FRMD6: variants seen among roughly 807,000 people sequenced by gnomAD.
FRMD6 encodes FERM domain containing 6, also known as FERM domain-containing protein 6.
FRMD6 carries 37 observed loss-of-function variants against 73.2 expected under a neutral mutation model. The ratio of observed to expected loss-of-function variants is 0.51; its 90% CI spans 0.39 to 0.66. The LOEUF (loss-of-function observed/expected upper bound fraction) is 0.66. FRMD6 is among the 30% of genes least tolerant of loss of function. The pLI is 0.00. For synonymous variants in FRMD6, 273 were observed against 282.2 expected (o/e 0.97, Z 0.33); for missense variants, 714 against 780.5 (o/e 0.91, Z 1.02).
At chr14:51,723,516 C>A (rs990880027) in intron 12 of FRMD6, among the ~76,000 whole-genome samples, 3 of 152,000 alleles carry the variant, frequency 2.0e-5, no homozygotes, top group Non-Finnish European at 4.4e-5. Context: ...TGTGGTGGCT[C>A]ACACGTATAA....
chr14:51,651,635 G>T (rs1255273067), upstream of FRMD6: 1 of 152,396 alleles, frequency 6.6e-6, no homozygotes, highest in African/African-American at 2.4e-5. Context: ...GTCCCTAGAG[G>T]GGTGGCGTAC....
chr14:51,397,405 A>G, the FRMD6 span, among the ~76,000 whole-genome samples: 1 of 152,094 alleles, frequency 6.6e-6, no homozygotes, highest in Non-Finnish European at 1.5e-5. Context: ...TCCCTTTGAC[A>G]CCACACTATG....
At chr14:51,473,003 G>C in the FRMD6 span, among the ~76,000 whole-genome samples, 1 of 152,164 alleles carries the variant, frequency 6.6e-6, no homozygotes, top group East Asian at 1.9e-4. Context: ...TGAGCAGTTT[G>C]GGAAATAATT....
At chr14:51,534,228 C>T (rs1414932887) in intron 1 of FRMD6, among the ~76,000 whole-genome samples, 1 of 152,206 alleles carries the variant, frequency 6.6e-6, no homozygotes, top group Non-Finnish European at 1.5e-5. Context: ...TTTCTCGAAC[C>T]ACATGCTTAA....
chr14:51,646,389 A>T (rs1892075328), intron 2 of FRMD6, among the ~76,000 whole-genome samples: 1 of 150,488 alleles, frequency 6.6e-6, no homozygotes, highest in African/African-American at 2.4e-5. Context: ...TAATGTTATC[A>T]CTAGTGTTTC....
At chr14:51,705,037 T>C (rs765122997) in intron 6 of FRMD6, 102 bp downstream of exon 6, 1 of 1,032,836 alleles carries the variant, frequency 9.7e-7, no homozygotes, top group Non-Finnish European at 1.4e-6. Flanking sequence ...ACAGATGTTC[T>C]GTGGCCAAAT....
chr14:51,652,887 G>C (rs1892532432), intron 1 of FRMD6, among the ~76,000 whole-genome samples: 1 of 152,182 alleles, frequency 6.6e-6, no homozygotes, highest in Non-Finnish European at 1.5e-5. Context: ...TGGTGCGGGC[G>C]TTTTCTTAAA....
At chr14:51,400,537 C>T in the FRMD6 span, among the ~76,000 whole-genome samples, 14 of 152,062 alleles carry the variant, frequency 9.2e-5, no homozygotes, top group Admixed American at 7.2e-4. Flanking sequence ...TCAACTTTAT[C>T]CAGTCTTTCT....
At position 51,730,396 on chromosome 14, in the gene FRMD6, G is replaced by T. The variant is rs1442616207; in HGVS notation, c.*2367G>T. On this transcript the variant is annotated 3_prime_UTR_variant, in exon 14 of 14. Coordinates refer to ENST00000344768, the MANE Select transcript of FRMD6 (RefSeq NM_001267046.2). ...TATATGTATAGGAAAAATCCACTTTGAATAATCCATGTTTTGTATTTGGAA... is the reference window on the plus strand; with the variant it reads ...TATATGTATAGGAAAAATCCACTTTTAATAATCCATGTTTTGTATTTGGAA... The T allele has an allele frequency of 3.9e-5, 6 of 152,256 alleles. No individual in the cohort carries two copies. The East Asian group carries it at 7.7e-4, about 20-fold the overall frequency. The allele number at this position is 152,256 out of a possible 1,614,324, so 9.4% of individuals were successfully genotyped here. A position where few individuals can be genotyped will look rare whatever the true frequency, so the allele number is the denominator to read the frequency against.
At chr14:51,504,341 C>A (rs1171571106) in intron 1 of FRMD6, among the ~76,000 whole-genome samples, 1 of 152,200 alleles carries the variant, frequency 6.6e-6, no homozygotes, top group Non-Finnish European at 1.5e-5. Context: ...CTGTTTCCAG[C>A]CTGAACGCAC....
chr14:51,577,347 T>C (rs1888462290), intron 2 of FRMD6, among the ~76,000 whole-genome samples: 1 of 152,148 alleles, frequency 6.6e-6, no homozygotes, highest in Non-Finnish European at 1.5e-5. Context: ...TTCTTACCAT[T>C]TGAAATTTCC....
chr14:51,435,722 G>A, the FRMD6 span, among the ~76,000 whole-genome samples: 2 of 152,272 alleles, frequency 1.3e-5, no homozygotes, highest in African/African-American at 2.4e-5. Flanking sequence ...GTAAGTTCTA[G>A]TGTTCTATAG....
At chr14:51,412,695 CA>C in the FRMD6 span, among the ~76,000 whole-genome samples, 1 of 151,612 alleles carries the variant, frequency 6.6e-6, no homozygotes, top group South Asian at 2.1e-4. Flanking sequence ...AATAAAAATA[CA>C]AAAAAATTAG....
the FRMD6 span, among the ~76,000 whole-genome samples, chr14:51,407,831 G>A: frequency 6.6e-6 from 1 of 152,074 alleles, no homozygotes; most frequent in Non-Finnish European, 1.5e-5. Flanking sequence ...GAGAACATGA[G>A]ATGTTCTTTA....
Position 51,639,000 on chromosome 14 carries a change from T to C in FRMD6, c.-146-50691T>C, listed in dbSNP as rs914904363. On this transcript the variant is annotated intron_variant, in intron 2 of 14. Coordinates refer to the FRMD6 transcript ENST00000356218. The stretch of plus-strand genomic sequence containing the variant: ...CTCCCGGTTTTCTGATACATAGTTT[T>C]TGCTGTCCGAAAATCAGCCACTCTC... 2.1e-5 allele frequency among the ~76,000 whole-genome samples: 3 copies of C among 140,668 alleles called. No individual in the cohort carries two copies. In the Admixed American group the frequency reaches 2.2e-4, roughly 10 times the overall value. 92.3% of individuals were successfully genotyped at this position (140,668 alleles called of 152,430 possible). A position where few individuals can be genotyped will look rare whatever the true frequency, so the allele number is the denominator to read the frequency against.
upstream of FRMD6, among the ~76,000 whole-genome samples, chr14:51,648,554 C>G (rs113737961): frequency 2.4e-3 from 368 of 152,346 alleles, 3 homozygotes; most frequent in African/African-American, 7.8e-3. Context: ...AGCACTGTCT[C>G]AACCAACTTG....
chr14:51,649,279 CTGTTAA>C (rs1892222119), upstream of FRMD6, among the ~76,000 whole-genome samples: 1 of 152,082 alleles, frequency 6.6e-6, no homozygotes, highest in South Asian at 2.1e-4. Context: ...GGTATTTATA[CTGTTAA>C]TATTATCACT....
the FRMD6 span, among the ~76,000 whole-genome samples, chr14:51,438,650 A>T: frequency 4.6e-5 from 7 of 152,226 alleles, no homozygotes; most frequent in Non-Finnish European, 2.9e-5. Context: ...CATGGGTACC[A>T]TTCGCCATTG....
intron 2 of FRMD6, among the ~76,000 whole-genome samples, chr14:51,601,722 A>G (rs1008088716): frequency 2.0e-5 from 3 of 151,444 alleles, no homozygotes; most frequent in African/African-American, 7.3e-5. Flanking sequence ...TGAAGCCATT[A>G]TCCATGAGAG....
Sources: gnomAD v4.1 joint callset for allele counts (sites outside exome capture counted in the v4.1 genomes callset) on GRCh38, gnomAD v4.1.1 for gene constraint, MANE v1.5 for transcripts, NCBI Gene and HGNC (gene_info 2026-07-23, HGNC 2026-07-21) for gene names.